Variants in ASTN2 observed in about 807,000 individuals in gnomAD.
ASTN2 encodes the protein astrotactin-2.
A neutral mutation model predicts 139.8 loss-of-function variants in ASTN2; 54 were observed. That is an observed-to-expected ratio of 0.39 (90% CI 0.31 to 0.48). The LOEUF (loss-of-function observed/expected upper bound fraction) is 0.48. Ranked by LOEUF, ASTN2 falls within the 20% of genes least tolerant of loss-of-function variation. ASTN2 has a pLI of 0.95. For missense variants in ASTN2, 1,565 were observed against 1,725.1 expected, an observed-to-expected ratio of 0.91 and a Z score of 1.64; for synonymous variants, 756 against 719.5, an observed-to-expected ratio of 1.05 and a Z score of -0.81.
chr9:116,882,874 AT>A (rs1157807390), intron 10 of ASTN2, among the ~76,000 whole-genome samples: 1 of 152,182 alleles, frequency 6.6e-6, no homozygotes, highest in Non-Finnish European at 1.5e-5. Context: ...GTTGGCAAAT[AT>A]TCTTGCCAAA....
At chr9:117,329,180 CTTTTTTTTTTTTTTT>C (rs749880987) in intron 1 of ASTN2, among the ~76,000 whole-genome samples, 4 of 82,582 alleles carry the variant, frequency 4.8e-5, no homozygotes, top group Non-Finnish European at 9.4e-5. Context: ...CTTCCAAGTT[CTTTTTTTTTTTTTTT>C]TTTTTTTTTT....
intron 11 of ASTN2, among the ~76,000 whole-genome samples, chr9:116,858,382 G>C (rs753571591): frequency 1.8e-4 from 28 of 152,194 alleles, no homozygotes; most frequent in Non-Finnish European, 3.4e-4. Flanking sequence ...TTAATCAAAA[G>C]GCTTCCTGTG....
intron 2 of ASTN2, among the ~76,000 whole-genome samples, chr9:117,263,888 T>G (rs770505939): frequency 1.3e-5 from 2 of 152,082 alleles, no homozygotes; most frequent in Non-Finnish European, 2.9e-5. Context: ...AAATTGAGGC[T>G]AGGCACAGTG....
chr9:116,899,945 T>C (rs1018800846), intron 10 of ASTN2, among the ~76,000 whole-genome samples: 1 of 152,134 alleles, frequency 6.6e-6, no homozygotes, highest in Non-Finnish European at 1.5e-5. Context: ...ACCTAGGAAC[T>C]GACTCAGCAC....
At chr9:117,136,562 A>G (rs1237167513) in intron 4 of ASTN2, among the ~76,000 whole-genome samples, 1 of 152,162 alleles carries the variant, frequency 6.6e-6, no homozygotes, top group Non-Finnish European at 1.5e-5. Flanking sequence ...AATCAGGACA[A>G]TGTTCTAGGT....
At chr9:116,442,322 C>T (rs185011425) in intron 21 of ASTN2, 131 bp downstream of exon 21, 20 of 741,370 alleles carry the variant, frequency 2.7e-5, no homozygotes, top group Non-Finnish European at 4.1e-5. Context: ...TCCCTTAGTG[C>T]CTTCAATTTC....
At chr9:116,981,818 T>TA (rs1379652343) in intron 7 of ASTN2, among the ~76,000 whole-genome samples, 1 of 152,242 alleles carries the variant, frequency 6.6e-6, no homozygotes, top group Admixed American at 6.5e-5. Context: ...TATATGTTGT[T>TA]AGTAATGGAG....
intron 1 of ASTN2, among the ~76,000 whole-genome samples, chr9:117,299,290 A>C (rs2130796863): frequency 6.6e-6 from 1 of 152,310 alleles, no homozygotes; most frequent in Middle Eastern, 3.4e-3. Context: ...ACTCACTTTA[A>C]AGATTCATTT....
chr9:117,154,535 G>T (rs1402145736), intron 3 of ASTN2, among the ~76,000 whole-genome samples: 1 of 152,000 alleles, frequency 6.6e-6, no homozygotes, highest in East Asian at 1.9e-4. Flanking sequence ...TAAAACTACT[G>T]TGACATGTAT....
chr9:116,895,832 C>T (rs1452883304), intron 10 of ASTN2, among the ~76,000 whole-genome samples: 1 of 151,962 alleles, frequency 6.6e-6, no homozygotes, highest in Non-Finnish European at 1.5e-5. Flanking sequence ...GCTCAGTTTC[C>T]AGTTAAAATG....
chr9:116,742,731 T>C (rs892323604), intron 13 of ASTN2, among the ~76,000 whole-genome samples: 1 of 152,108 alleles, frequency 6.6e-6, no homozygotes, highest in African/African-American at 2.4e-5. Flanking sequence ...GATAAAACTG[T>C]CAAGACTTCC....
At chr9:116,489,180 A>G (rs1849432101) in intron 19 of ASTN2, among the ~76,000 whole-genome samples, 1 of 152,178 alleles carries the variant, frequency 6.6e-6, no homozygotes, top group African/African-American at 2.4e-5. Flanking sequence ...TAAAAGAACA[A>G]TAGTGTTGGC....
intron 11 of ASTN2, among the ~76,000 whole-genome samples, chr9:116,832,650 A>G (rs1180843395): frequency 6.6e-6 from 1 of 151,970 alleles, no homozygotes; most frequent in Non-Finnish European, 1.5e-5. Flanking sequence ...CTGTTATTAT[A>G]ATATACTGAT....
At chr9:117,117,277 A>G (rs2132803751) in intron 4 of ASTN2, among the ~76,000 whole-genome samples, 1 of 152,162 alleles carries the variant, frequency 6.6e-6, no homozygotes, top group African/African-American at 2.4e-5. Flanking sequence ...AAGGGACTAA[A>G]TGTAAGTTGC....
At chr9:116,452,774 C>T (rs969502405) in intron 20 of ASTN2, among the ~76,000 whole-genome samples, 1 of 152,124 alleles carries the variant, frequency 6.6e-6, no homozygotes, top group Non-Finnish European at 1.5e-5. Flanking sequence ...TTCATTGGTC[C>T]CAAGTGGGTC....
chr9:116,703,700 C>T lies in ASTN2; in HGVS notation c.2806+22071G>A, dbSNP rs575492181. 2.1e-5 allele frequency among the ~76,000 whole-genome samples: 3 copies of T among 144,226 alleles called. No individual in the cohort carries two copies. The South Asian group carries it at 6.7e-4, about 32-fold the overall frequency. 94.6% of individuals were successfully genotyped at this position (144,226 alleles called of 152,430 possible). On this transcript the variant is annotated intron_variant, in intron 16 of 22. Coordinates refer to ENST00000313400, the MANE Select transcript of ASTN2 (RefSeq NM_001365068.1). ...ATGTAACTAACCTGCACAATGTGCA[C>T]ATGTACCCTAAAACTTAAAGTATAA...
At chr9:116,544,568 G>C (rs1356225114) in intron 19 of ASTN2, among the ~76,000 whole-genome samples, 1 of 152,148 alleles carries the variant, frequency 6.6e-6, no homozygotes, top group Non-Finnish European at 1.5e-5. Flanking sequence ...ACGTGCTTTT[G>C]ACAGTTCCAT....
chr9:116,888,041 T>G (rs1833662740), intron 10 of ASTN2, among the ~76,000 whole-genome samples: 1 of 152,150 alleles, frequency 6.6e-6, no homozygotes, highest in Non-Finnish European at 1.5e-5. Flanking sequence ...ATAATATATA[T>G]TTTTCATATA....
chr9:116,840,738 C>A (rs1193473164), intron 11 of ASTN2, among the ~76,000 whole-genome samples: 1 of 142,774 alleles, frequency 7.0e-6, no homozygotes, highest in Admixed American at 7.1e-5. Flanking sequence ...ACATCCCGGA[C>A]GGGGCGGCAG....
Sources: gnomAD v4.1 joint callset for allele counts (sites outside exome capture counted in the v4.1 genomes callset) on GRCh38, gnomAD v4.1.1 for gene constraint, MANE v1.5 for transcripts, NCBI Gene and HGNC (gene_info 2026-07-23, HGNC 2026-07-21) for gene names.